LDB3: variants seen among roughly 807,000 people sequenced by gnomAD.
The protein encoded by LDB3 is LIM domain binding 3.
LDB3 carries 49 observed loss-of-function variants against 69.0 expected under a neutral mutation model. That is an observed-to-expected ratio of 0.71 (90% CI 0.56 to 0.90). LDB3 has a LOEUF of 0.90. LDB3 is among the 40% of genes least tolerant of loss of function. The pLI is 0.00. For missense variants in LDB3, 928 were observed against 974.1 expected (o/e 0.95, Z 0.63); for synonymous variants, 387 against 396.2 (o/e 0.98, Z 0.28).
chr10:86,706,645 C>A lies in LDB3; in HGVS notation c.1011C>A (p.Ala337=). The change falls in exon 8 of 14, where the codon GCC becomes GCA. Residue 337 remains alanine, a synonymous_variant. Transcript: ENST00000361373. The stretch of plus-strand genomic sequence containing the variant: ...CCAGTGCGGCTTCGCCACCCCTGGC[C>A]ACAGCTGCTGCCCACACTGCCATCG... ...ASPSAASPPL[A]TAAAHTAIAS... 6.2e-7 allele frequency: 1 copy of A among 1,613,164 alleles called. No individual in the cohort carries two copies.
Position 86,709,909 on chromosome 10 carries a change from C to T in LDB3, c.1090C>T (p.Gln364Ter). The change falls in exon 9 of 14, where the codon CAG becomes TAG. Residue 364 changes from glutamine (Q) to a stop codon, truncating the protein, a stop_gained. Transcript: ENST00000361373. LOFTEE classifies it high-confidence loss of function. ...ASSPADSPRP[Q>*]ASSYSPAVAA... is the part of the protein sequence containing the mutation. ...CCCCTCCCCGCTTGGTTCCAGGCCC[C>T]AGGCCTCTTCCTACAGCCCCGCAGT... 6.2e-7 allele frequency: 1 copy of T among 1,610,462 alleles called. No homozygotes were observed. The highest frequency in any genetic ancestry group is 8.5e-7 in the Non-Finnish European group (1 of 1,179,966).
intron 5 of LDB3, among the ~76,000 whole-genome samples, chr10:86,687,433 G>A (rs1845544842): frequency 6.6e-6 from 1 of 152,232 alleles, no homozygotes; most frequent in African/African-American, 2.4e-5. Flanking sequence ...CTGGAACGTG[G>A]GTATCCTCTC....
chr10:86,688,596 T>C (rs1845614447), intron 5 of LDB3, among the ~76,000 whole-genome samples: 1 of 152,206 alleles, frequency 6.6e-6, no homozygotes, highest in Non-Finnish European at 1.5e-5. Flanking sequence ...AATTCCATCA[T>C]TCAAAGCAGA....
Position 86,722,747 on chromosome 10 carries a change from A to G in LDB3, c.1979-3390A>G, listed in dbSNP as rs144813218. Among the ~76,000 whole-genome samples the G allele has an allele frequency of 8.0e-5, 12 of 149,430 alleles. No homozygotes were observed. In the East Asian group the frequency reaches 2.0e-3, roughly 25 times the overall value. ...ACGCCTGGCTAATTTTTATATTATT[A>G]GTAGAGATGGGGGATTTCACCATCT... On this transcript the variant is annotated intron_variant, in intron 12 of 13. Coordinates refer to ENST00000361373, the MANE Select transcript of LDB3 (RefSeq NM_007078.3).
intron 2 of LDB3, 46 bp downstream of exon 2, chr10:86,668,830 C>T (rs1207507942): frequency 1.4e-6 from 2 of 1,405,280 alleles, no homozygotes; most frequent in African/African-American, 2.8e-5. Flanking sequence ...GGCAGGCACG[C>T]TTGGAGGAGG....
At chr10:86,730,642 A>G (rs1461207446) in intron 13 of LDB3, among the ~76,000 whole-genome samples, 1 of 152,224 alleles carries the variant, frequency 6.6e-6, no homozygotes, top group Non-Finnish European at 1.5e-5. Flanking sequence ...CTTAAGGAAG[A>G]CGTATGGGCC....
chr10:86,687,065 C>A (rs770337875), intron 5 of LDB3: 1 of 1,613,928 alleles, frequency 6.2e-7, no homozygotes, highest in Admixed American at 1.7e-5. Flanking sequence ...CACCCCTCCC[C>A]CAGCGCCGAC....
chr10:86,712,454 C>G (rs189752379), intron 9 of LDB3, among the ~76,000 whole-genome samples: 2 of 152,266 alleles, frequency 1.3e-5, no homozygotes, highest in Admixed American at 1.3e-4. Context: ...TGGGGAGTTT[C>G]TAAGCGGGCA....
intron 5 of LDB3, among the ~76,000 whole-genome samples, chr10:86,689,938 C>T (rs549773947): frequency 6.6e-6 from 1 of 152,226 alleles, no homozygotes; most frequent in Non-Finnish European, 1.5e-5. Flanking sequence ...ATATATTCTC[C>T]CTGAGCCTTG....
chr10:86,700,309 G>C (rs982816221), intron 7 of LDB3, among the ~76,000 whole-genome samples: 1 of 152,198 alleles, frequency 6.6e-6, no homozygotes, highest in Non-Finnish European at 1.5e-5. Context: ...CCACAGGACA[G>C]TGCATATGGG....
At chr10:86,697,606 T>G (rs1472418943) in intron 7 of LDB3, among the ~76,000 whole-genome samples, 32 of 135,818 alleles carry the variant, frequency 2.4e-4, no homozygotes, top group African/African-American at 7.8e-4. Context: ...CAGGCTGGAG[T>G]GCAGTGGTGC....
intron 2 of LDB3, among the ~76,000 whole-genome samples, chr10:86,672,807 C>T (rs577318043): frequency 1.3e-5 from 2 of 152,350 alleles, no homozygotes; most frequent in South Asian, 4.1e-4. Flanking sequence ...TGAATTGGAC[C>T]CTTGGAGGCC....
rs1847584563 is a variant in LDB3 at position 86,735,080 on chromosome 10, CA to C, written c.*2105del. 6.7e-6 allele frequency: 1 copy of C among 150,216 alleles called. No homozygotes were observed. Among genetic ancestry groups the C allele is most frequent in the African/African-American group, 2.5e-5 (1 of 40,756 alleles). The allele number at this position is 150,216 out of a possible 1,614,324, so 9.3% of individuals were successfully genotyped here. A position where few individuals can be genotyped will look rare whatever the true frequency, so the allele number is the denominator to read the frequency against. ...ACACACACACACACACACACACACA[CA>C]CACACACACACACACACACGATCAT... On this transcript the variant is annotated 3_prime_UTR_variant, in exon 14 of 14. Coordinates refer to ENST00000361373, the MANE Select transcript of LDB3 (RefSeq NM_007078.3).
At chr10:86,684,345 G>A (rs1209464048) in intron 5 of LDB3, among the ~76,000 whole-genome samples, 4 of 152,252 alleles carry the variant, frequency 2.6e-5, no homozygotes, top group Non-Finnish European at 5.9e-5. Flanking sequence ...AGCTGAGCAG[G>A]AGGCAGGAAT....
chr10:86,716,884 GA>G (rs1846899530), intron 10 of LDB3, 113 bp downstream of exon 10: 2 of 1,199,232 alleles, frequency 1.7e-6, no homozygotes, highest in Admixed American at 2.0e-5. Context: ...CAGGTGTAGG[GA>G]GAAAGCCTCG....
In LDB3 at chr10:86,699,830, C is replaced by A; in HGVS notation, c.897-6701C>A. The A allele has an allele frequency of 9.7e-7, 1 of 1,025,934 alleles. No homozygotes were observed. The highest frequency in any genetic ancestry group is 4.0e-5 in the South Asian group (1 of 25,028). 63.6% of individuals were successfully genotyped at this position (1,025,934 alleles called of 1,614,324 possible). A position where few individuals can be genotyped will look rare whatever the true frequency, so the allele number is the denominator to read the frequency against. The stretch of plus-strand genomic sequence containing the variant: ...GAAGAGGCTGATCCCTGGCGCTGCC[C>A]GGCTCCCTCGCTGCCCTCTGGAGCT... On this transcript the variant is annotated intron_variant, in intron 7 of 13. Transcript: ENST00000361373. The surrounding 1 kb of genome is among the most constrained non-coding windows in gnomAD (Gnocchi z 4.9).
chr10:86,687,030 C>T (rs750547954), intron 5 of LDB3: 17 of 1,601,174 alleles, frequency 1.1e-5, no homozygotes, highest in Non-Finnish European at 1.7e-6. Flanking sequence ...CCCTTTTCTC[C>T]TCCCTCTCCC....
At chr10:86,711,241 C>T (rs2132469217) in intron 9 of LDB3, among the ~76,000 whole-genome samples, 1 of 152,210 alleles carries the variant, frequency 6.6e-6, no homozygotes, top group East Asian at 2.0e-4. Context: ...GGGCGGCCTC[C>T]GGCTGTCTTC....
At chr10:86,692,617 T>G (rs754019675) in intron 7 of LDB3, 46 bp downstream of exon 7, 118 of 1,577,142 alleles carry the variant, frequency 7.5e-5, no homozygotes, top group Non-Finnish European at 1.0e-4. Flanking sequence ...TCTAGCCCCG[T>G]CCCTCCCCGG....
Sources: gnomAD v4.1 joint callset for allele counts (sites outside exome capture counted in the v4.1 genomes callset) on GRCh38, gnomAD v4.1.1 for gene constraint, Gnocchi (gnomAD v3.1) non-coding constraint, MANE v1.5 for transcripts, NCBI Gene and HGNC (gene_info 2026-07-23, HGNC 2026-07-21) for gene names.